TACC1: variants seen among roughly 807,000 people sequenced by gnomAD.
TACC1 encodes the protein transforming acidic coiled-coil containing protein 1, also known as transforming acidic coiled-coil-containing protein 1.
TACC1 carries 48 observed loss-of-function variants against 84.4 expected under a neutral mutation model. The ratio of observed to expected loss-of-function variants is 0.57; its 90% CI spans 0.45 to 0.72. The LOEUF (loss-of-function observed/expected upper bound fraction) is 0.72. Among genes scored for constraint, TACC1 ranks in the 30% least tolerant of loss-of-function variants. TACC1 has a pLI of 0.00. For missense variants in TACC1, 920 were observed against 973.0 expected, an observed-to-expected ratio of 0.95 and a Z score of 0.72; for synonymous variants, 372 against 376.3, an observed-to-expected ratio of 0.99 and a Z score of 0.13.
intron 6 of TACC1, among the ~76,000 whole-genome samples, chr8:38,831,889 C>G (rs1291357586): frequency 1.3e-5 from 2 of 152,032 alleles, no homozygotes; most frequent in East Asian, 3.9e-4. Context: ...TCACTACAAC[C>G]TCCACCTACT....
chr8:38,806,486 GAA>G (rs1491382815), intron 2 of TACC1, among the ~76,000 whole-genome samples: 8 of 151,894 alleles, frequency 5.3e-5, no homozygotes, highest in South Asian at 4.2e-4. Flanking sequence ...GAGAGAGAGA[GAA>G]AGAGAGAGAG....
chr8:38,739,690 C>A (rs896615002), intron 1 of TACC1, among the ~76,000 whole-genome samples: 1 of 152,170 alleles, frequency 6.6e-6, no homozygotes, highest in African/African-American at 2.4e-5. Context: ...TGTGTTTTGA[C>A]AAATGCATAG....
chr8:38,807,533 A>G (rs996587825), intron 2 of TACC1, among the ~76,000 whole-genome samples: 4 of 152,260 alleles, frequency 2.6e-5, no homozygotes, highest in South Asian at 4.1e-4. Context: ...CTGGGAGGGA[A>G]AAGTCAAGCA....
chr8:38,746,792 A>T (rs1587183139), intron 3 of TACC1, among the ~76,000 whole-genome samples: 1 of 152,214 alleles, frequency 6.6e-6, no homozygotes, highest in East Asian at 1.9e-4. Context: ...TTATAAATCA[A>T]CTATTAAACA....
chr8:38,788,458 G>A (rs1817845578), intron 1 of TACC1: 2 of 382,116 alleles, frequency 5.2e-6, no homozygotes, highest in Admixed American at 8.4e-5. Flanking sequence ...GAAAATAAAT[G>A]GTGCTGGAGA....
At chr8:38,754,459 G>A (rs1313886260) in intron 3 of TACC1, among the ~76,000 whole-genome samples, 2 of 152,172 alleles carry the variant, frequency 1.3e-5, no homozygotes, top group South Asian at 2.1e-4. Flanking sequence ...GAGGCTGAGC[G>A]TTCCTCTGAA....
Position 38,842,464 on chromosome 8 carries a change from C to G in TACC1, c.2121+17C>G. 6.3e-7 allele frequency: 1 copy of G among 1,593,980 alleles called. No homozygotes were observed. Among genetic ancestry groups the G allele is most frequent in the South Asian group, 1.1e-5 (1 of 87,746 alleles). On this transcript the variant is annotated intron_variant, in intron 10 of 12. Transcript: ENST00000317827. Reference sequence around the variant, plus strand: ...TTCAAGAAGGTAGAGTGTTTTTTCCCTCTGTCTCCTGGTGTATTTCCAGTA... The same window carrying G: ...TTCAAGAAGGTAGAGTGTTTTTTCCGTCTGTCTCCTGGTGTATTTCCAGTA...
chr8:38,770,810 C>CT (rs1387591939), intron 3 of TACC1, among the ~76,000 whole-genome samples: 1 of 152,098 alleles, frequency 6.6e-6, no homozygotes, highest in African/African-American at 2.4e-5. Flanking sequence ...CGGGGGAACT[C>CT]TTTAAATGCG....
rs1832897909 is a variant in TACC1, at chr8:38,850,179, C to T, written c.*2156C>T. The T allele has an allele frequency of 6.6e-6, 1 of 152,560 alleles. No homozygotes were observed. Among genetic ancestry groups the T allele is most frequent in the South Asian group, 2.1e-4 (1 of 4,832 alleles). 9.5% of individuals were successfully genotyped at this position (152,560 alleles called of 1,614,324 possible). ...GGAAGAGACCCCTTAAGAACCTGACCCCAGTGAATGAAGCTGATGCACAGG... is the reference window on the plus strand; with the variant it reads ...GGAAGAGACCCCTTAAGAACCTGACTCCAGTGAATGAAGCTGATGCACAGG... On this transcript the variant is annotated 3_prime_UTR_variant, in exon 13 of 13. Transcript: ENST00000317827.
At position 38,825,171 on chromosome 8, in the gene TACC1, C is replaced by T. The variant is rs150887731; in HGVS notation, c.1392-137C>T. 4.8e-4 allele frequency: 423 copies of T among 873,388 alleles called. 1 individual carries two copies. In the African/African-American group the frequency reaches 6.1e-3, roughly 13 times the overall value. The allele number at this position is 873,388 out of a possible 1,614,324, so 54.1% of individuals were successfully genotyped here. A position where few individuals can be genotyped will look rare whatever the true frequency, so the allele number is the denominator to read the frequency against. On this transcript the variant is annotated intron_variant, in intron 3 of 12. Transcript: ENST00000317827. ...GCATAAAAGGTGTCCCTGCCTCTCT[C>T]CTGCGGCGATGTATGATTTGTGTGG...
At chr8:38,761,434 G>GTCT (rs1360608378) in intron 3 of TACC1, among the ~76,000 whole-genome samples, 1 of 152,156 alleles carries the variant, frequency 6.6e-6, no homozygotes, top group African/African-American at 2.4e-5. Flanking sequence ...AGTTTCTGAC[G>GTCT]TCTTCATTGA....
chr8:38,783,741 C>T (rs569969377), upstream of TACC1, among the ~76,000 whole-genome samples: 1 of 152,304 alleles, frequency 6.6e-6, no homozygotes, highest in African/African-American at 2.4e-5. Context: ...TAGCTATGAA[C>T]ATACCCTGAC....
chr8:38,739,418 G>A (rs563674468), intron 1 of TACC1, among the ~76,000 whole-genome samples: 1 of 152,324 alleles, frequency 6.6e-6, no homozygotes, highest in South Asian at 2.1e-4. Flanking sequence ...ATCCCCATGA[G>A]AAGCAACTTT....
At chr8:38,816,310 C>A (rs1267825738) in intron 2 of TACC1, among the ~76,000 whole-genome samples, 1 of 152,092 alleles carries the variant, frequency 6.6e-6, no homozygotes, top group East Asian at 1.9e-4. Context: ...TTAAAAAAAT[C>A]TCAGATAATT....
At chr8:38,769,829 G>A (rs556757843) in intron 3 of TACC1, among the ~76,000 whole-genome samples, 1 of 149,946 alleles carries the variant, frequency 6.7e-6, no homozygotes, top group African/African-American at 2.5e-5. Context: ...GTATGTATGT[G>A]AGGCTGTATG....
intron 3 of TACC1, among the ~76,000 whole-genome samples, chr8:38,781,755 A>G (rs1257227481): frequency 1.3e-5 from 2 of 152,154 alleles, no homozygotes; most frequent in Admixed American, 6.5e-5. Flanking sequence ...CACCCTCCCC[A>G]CAAACAGGTA....
At chr8:38,749,993 G>C (rs1808747172) in intron 3 of TACC1, among the ~76,000 whole-genome samples, 1 of 152,168 alleles carries the variant, frequency 6.6e-6, no homozygotes, top group Admixed American at 6.5e-5. Context: ...AGCTAACATA[G>C]TACTTAGAGG....
chr8:38,747,463 T>C (rs1179523898), intron 3 of TACC1, among the ~76,000 whole-genome samples: 6 of 152,202 alleles, frequency 3.9e-5, no homozygotes, highest in Non-Finnish European at 8.8e-5. Flanking sequence ...AAGATGTCCT[T>C]CAGTAGGCAA....
At chr8:38,806,453 T>G (rs545195598) in intron 2 of TACC1, among the ~76,000 whole-genome samples, 8 of 151,728 alleles carry the variant, frequency 5.3e-5, no homozygotes, top group Non-Finnish European at 1.2e-4. Flanking sequence ...TCTGCCTGTG[T>G]GTGTGTGTAT....
Sources: gnomAD v4.1 joint callset for allele counts (sites outside exome capture counted in the v4.1 genomes callset) on GRCh38, gnomAD v4.1.1 for gene constraint, MANE v1.5 for transcripts, NCBI Gene and HGNC (gene_info 2026-07-23, HGNC 2026-07-21) for gene names.